Variants in DMXL2 observed in about 807,000 individuals in gnomAD.
DMXL2 encodes the protein dmX-like protein 2.
In DMXL2, 103 loss-of-function variants were observed where a neutral mutation model predicts 331.1. The observed-to-expected ratio is 0.31, with a 90% CI of 0.27 to 0.37. The LOEUF (loss-of-function observed/expected upper bound fraction) is 0.37, where lower values mean the gene tolerates loss of function less well. DMXL2 is among the 10% of genes least tolerant of loss of function. DMXL2 has a pLI of 1.00. For missense variants in DMXL2, 3,171 were observed against 3,642.9 expected, an observed-to-expected ratio of 0.87 and a Z score of 3.33; for synonymous variants, 1,281 against 1,252.1, an observed-to-expected ratio of 1.02 and a Z score of -0.49.
chr15:51,451,991 T>C (rs1302022696), intron 41 of DMXL2, among the ~76,000 whole-genome samples: 1 of 152,160 alleles, frequency 6.6e-6, no homozygotes, highest in Admixed American at 6.5e-5. Context: ...TATCCCCAGG[T>C]GGTAGCCACT....
intron 28 of DMXL2, among the ~76,000 whole-genome samples, chr15:51,473,525 TC>T (rs1179708021): frequency 6.6e-6 from 1 of 152,182 alleles, no homozygotes; most frequent in Non-Finnish European, 1.5e-5. Context: ...TAAGATCATC[TC>T]CCTTACAATG....
chr15:51,598,605 C>G (rs11070859), intron 1 of DMXL2, among the ~76,000 whole-genome samples: 72,613 of 151,984 alleles, frequency 0.48, 17,729 homozygotes, highest in Non-Finnish European at 0.52. Flanking sequence ...GGCATTAACA[C>G]TTTTGAAGAA....
At chr15:51,550,817 T>C (rs2049170295) in intron 6 of DMXL2, among the ~76,000 whole-genome samples, 1 of 152,122 alleles carries the variant, frequency 6.6e-6, no homozygotes, top group Non-Finnish European at 1.5e-5. Context: ...AAAGGCTCTT[T>C]AGTAAGTAAG....
intron 6 of DMXL2, among the ~76,000 whole-genome samples, chr15:51,560,682 A>G (rs1442409894): frequency 1.3e-5 from 2 of 150,944 alleles, no homozygotes; most frequent in Non-Finnish European, 3.0e-5. Context: ...AAAAAAAAAA[A>G]GAAAAGAAAA....
chr15:51,498,992 G>A lies in DMXL2; in HGVS notation c.4232C>T (p.Thr1411Ile). ...VSGSTAKETV[T>I]VGKDGTRDYT... ...ATCTCGAGTACCATCTTTTCCTACG[G>A]TGACTGTTTCCTTTGCTGTACTGCC... Residue 1411 changes from threonine to isoleucine, a missense_variant, in exon 18 of 44, where the codon ACC becomes ATC. Physicochemically the swap from Thr to Ile is moderately conservative, Grantham distance 89. Transcript: ENST00000560891. 1.2e-6 allele frequency: 2 copies of A among 1,613,962 alleles called. No homozygotes were observed. The highest frequency in any genetic ancestry group is 1.7e-6 in the Non-Finnish European group (2 of 1,180,012).
Position 51,500,070 on chromosome 15 carries a change from G to A in DMXL2, c.3154C>T (p.Pro1052Ser), listed in dbSNP as rs1176713473. The A allele has an allele frequency of 6.2e-7, 1 of 1,614,050 alleles. No individual in the cohort carries two copies. The highest frequency in any genetic ancestry group is 8.5e-7 in the Non-Finnish European group (1 of 1,180,000). ...TCTTCTCCTTCATCATTCATCAAAG[G>A]CCATCTCTTCCAATGATAAATTTCT... ...EKEIYHWKRWPLMNDEGEDNS... is the reference protein window; with the variant it reads ...EKEIYHWKRWSLMNDEGEDNS... The change falls in exon 18 of 44, where the codon CCT becomes TCT. Residue 1052 changes from proline to serine, a missense_variant. Transcript: ENST00000560891.
intron 28 of DMXL2, among the ~76,000 whole-genome samples, chr15:51,473,833 T>C (rs75982472): frequency 1.3e-5 from 2 of 152,158 alleles, no homozygotes; most frequent in Non-Finnish European, 2.9e-5. Context: ...TAAAGGAACC[T>C]ATTTTGGAGA....
chr15:51,607,956 T>A (rs2053703000), intron 1 of DMXL2, among the ~76,000 whole-genome samples: 1 of 151,958 alleles, frequency 6.6e-6, no homozygotes, highest in African/African-American at 2.4e-5. Flanking sequence ...GAGGCTGAGG[T>A]GGGCAGACTG....
chr15:51,524,423 G>C lies in DMXL2; in HGVS notation c.2437-7256C>G, dbSNP rs79316502. ...CAATTTAACCACTATACGAAAAAAA[G>C]CACCTTCATAAGAACCAAAAATCAG... On this transcript the variant is annotated intron_variant, in intron 13 of 43. Transcript: ENST00000560891. Among the ~76,000 whole-genome samples the C allele has an allele frequency of 2.6e-3, 402 of 152,248 alleles. 18 individuals carry two copies. In the East Asian group the frequency reaches 0.062, roughly 24 times the overall value.
intron 9 of DMXL2, among the ~76,000 whole-genome samples, chr15:51,541,580 C>T (rs1458103363): frequency 1.3e-5 from 2 of 152,092 alleles, no homozygotes; most frequent in Non-Finnish European, 2.9e-5. Context: ...ATTCTATTTA[C>T]TAAATACTGT....
chr15:51,553,670 C>T (rs1448975622), intron 6 of DMXL2, among the ~76,000 whole-genome samples: 1 of 152,140 alleles, frequency 6.6e-6, no homozygotes, highest in South Asian at 2.1e-4. Flanking sequence ...ACCTTATGAC[C>T]ATCTACATCC....
At chr15:51,491,887 T>C (rs908446982) in intron 19 of DMXL2, 140 bp from the exon 20 acceptor site, 2 of 655,768 alleles carry the variant, frequency 3.0e-6, no homozygotes, top group Non-Finnish European at 4.8e-6. Context: ...TCTGTCATCA[T>C]TCAGGACTTT....
intron 33 of DMXL2, 38 bp from the exon 34 acceptor site, chr15:51,459,698 G>T (rs1320621068): frequency 4.0e-5 from 51 of 1,288,162 alleles, no homozygotes; most frequent in Non-Finnish European, 5.0e-5. Flanking sequence ...CAAAACACAT[G>T]CATGGAATGA....
At chr15:51,565,212 T>G in intron 3 of DMXL2, 46 bp from the exon 4 acceptor site, 1 of 1,304,966 alleles carries the variant, frequency 7.7e-7, no homozygotes, top group Non-Finnish European at 1.1e-6. Context: ...AAAAAGATGT[T>G]TTTCAAATAA....
intron 15 of DMXL2, among the ~76,000 whole-genome samples, chr15:51,512,350 C>T (rs1596071218): frequency 6.6e-6 from 1 of 150,946 alleles, no homozygotes; most frequent in Non-Finnish European, 1.5e-5. Flanking sequence ...AACACATAAA[C>T]AAACAAAAAG....
intron 2 of DMXL2, among the ~76,000 whole-genome samples, chr15:51,573,416 G>C (rs1306384524): frequency 6.6e-6 from 1 of 152,090 alleles, no homozygotes. Flanking sequence ...TTGTAGCACT[G>C]TTCACAACAG....
chr15:51,618,958 T>A (rs998433375), intron 1 of DMXL2, among the ~76,000 whole-genome samples: 14 of 152,186 alleles, frequency 9.2e-5, no homozygotes, highest in African/African-American at 3.1e-4. Context: ...ACTGGAATAA[T>A]AGTAACTGCC....
chr15:51,463,556 G>T, intron 32 of DMXL2, 60 bp from the exon 33 acceptor site: 3 of 983,532 alleles, frequency 3.1e-6, no homozygotes, highest in Admixed American at 2.6e-5. Context: ...GTTTATATTT[G>T]CAGATATTTA....
intron 1 of DMXL2, among the ~76,000 whole-genome samples, chr15:51,581,346 T>G (rs1029308472): frequency 2.6e-5 from 4 of 152,188 alleles, no homozygotes; most frequent in African/African-American, 9.6e-5. Flanking sequence ...AAAAACTGTC[T>G]TCCACAAAAC....
Sources: allele counts gnomAD v4.1 joint callset (sites outside exome capture counted in the v4.1 genomes callset), GRCh38; gene constraint gnomAD v4.1.1; transcripts MANE v1.5; gene names NCBI Gene and HGNC (gene_info 2026-07-23, HGNC 2026-07-21).